Variants in MINDY4 observed in about 807,000 individuals in gnomAD.
MINDY4 encodes MINDY lysine 48 deubiquitinase 4.
MINDY4 carries 68 observed loss-of-function variants against 87.0 expected under a neutral mutation model. The ratio of observed to expected loss-of-function variants is 0.78; its 90% CI spans 0.64 to 0.96. The LOEUF (loss-of-function observed/expected upper bound fraction) is 0.96, where lower values mean the gene tolerates loss of function less well. Among genes scored for constraint, MINDY4 ranks in the 40% least tolerant of loss-of-function variants. The pLI is 0.00. For missense variants in MINDY4, 919 were observed against 928.2 expected, an observed-to-expected ratio of 0.99 and a Z score of 0.13; for synonymous variants, 379 against 363.2, an observed-to-expected ratio of 1.04 and a Z score of -0.50.
At chr7:30,854,921 T>C (rs1789526840) in intron 12 of MINDY4, among the ~76,000 whole-genome samples, 1 of 152,198 alleles carries the variant, frequency 6.6e-6, no homozygotes, top group Non-Finnish European at 1.5e-5. Context: ...CCCAAAAGCA[T>C]GGATTAGGAT....
intron 5 of MINDY4, among the ~76,000 whole-genome samples, chr7:30,801,634 G>C (rs1338985783): frequency 6.6e-6 from 1 of 152,086 alleles, no homozygotes; most frequent in Non-Finnish European, 1.5e-5. Flanking sequence ...TTAAACATGA[G>C]AAACAGCTCC....
chr7:30,778,336 A>T, intron 1 of MINDY4, 96 bp from the exon 2 acceptor site: 1 of 1,490,894 alleles, frequency 6.7e-7, no homozygotes, highest in Non-Finnish European at 9.3e-7. Context: ...TATGAGAATT[A>T]TCTTGGTGAA....
intron 5 of MINDY4, among the ~76,000 whole-genome samples, chr7:30,805,845 C>T (rs937694767): frequency 1.3e-5 from 2 of 152,048 alleles, no homozygotes; most frequent in African/African-American, 4.8e-5. Flanking sequence ...GGAATAGGGC[C>T]GTTTATTCAG....
chr7:30,804,846 C>T (rs1787759476), intron 5 of MINDY4, among the ~76,000 whole-genome samples: 2 of 152,060 alleles, frequency 1.3e-5, no homozygotes, highest in South Asian at 4.1e-4. Flanking sequence ...TGAGAGCTGG[C>T]ATTAGCAAGG....
At chr7:30,874,424 G>A (rs1584345852) in intron 14 of MINDY4, among the ~76,000 whole-genome samples, 1 of 152,226 alleles carries the variant, frequency 6.6e-6, no homozygotes, top group East Asian at 1.9e-4. Flanking sequence ...CCACCTGTGA[G>A]CCCCAGTTTC....
rs142944441 is a variant in MINDY4, at chr7:30,884,325, C to T, written c.2225+1332C>T. Among the ~76,000 whole-genome samples the T allele has an allele frequency of 1.9e-3, 288 of 152,322 alleles. 4 individuals carry two copies. Among genetic ancestry groups the T allele is most frequent in the Admixed American group, 0.016 (243 of 15,304 alleles). On this transcript the variant is annotated intron_variant, in intron 17 of 17. Coordinates refer to ENST00000265299, the MANE Select transcript of MINDY4 (RefSeq NM_032222.3). Reference sequence around the variant, plus strand: ...CCATCCGTTCGTCCATCCACCTGCCCGCCCCCTGAGCCAGGGATGAAGCAT... The same window carrying T: ...CCATCCGTTCGTCCATCCACCTGCCTGCCCCCTGAGCCAGGGATGAAGCAT...
chr7:30,878,167 C>A (rs146419246), intron 15 of MINDY4, among the ~76,000 whole-genome samples: 15 of 152,204 alleles, frequency 9.9e-5, no homozygotes, highest in African/African-American at 2.9e-4. Flanking sequence ...ACAGACACAG[C>A]CGTGGGAAGA....
chr7:30,801,521 T>C (rs1006875481), intron 5 of MINDY4, among the ~76,000 whole-genome samples: 4 of 152,120 alleles, frequency 2.6e-5, no homozygotes, highest in Admixed American at 6.5e-5. Context: ...TCCCCACTTC[T>C]CAGCCTGTTG....
chr7:30,785,281 C>T (rs1787127050), intron 3 of MINDY4, among the ~76,000 whole-genome samples: 1 of 151,286 alleles, frequency 6.6e-6, no homozygotes, highest in Admixed American at 6.6e-5. Context: ...CACACACACA[C>T]ACACACACAC....
At chr7:30,875,436 C>T in intron 14 of MINDY4, 59 bp from the exon 15 acceptor site, 1 of 1,585,066 alleles carries the variant, frequency 6.3e-7, no homozygotes, top group East Asian at 2.2e-5. Flanking sequence ...AGTCTCCTCT[C>T]CACTCTTTCA....
chr7:30,790,735 A>G (rs1306436445), intron 4 of MINDY4, among the ~76,000 whole-genome samples: 3 of 152,162 alleles, frequency 2.0e-5, no homozygotes, highest in Non-Finnish European at 2.9e-5. Flanking sequence ...ATGAGCCACC[A>G]TGCCCAGCCT....
chr7:30,832,875 A>G (rs1162019292), intron 6 of MINDY4, among the ~76,000 whole-genome samples: 1 of 151,558 alleles, frequency 6.6e-6, no homozygotes, highest in Non-Finnish European at 1.5e-5. Context: ...TTCCTTATTT[A>G]TCTTTAGCCC....
At chr7:30,884,279 A>G (rs1790565109) in intron 17 of MINDY4, among the ~76,000 whole-genome samples, 1 of 152,138 alleles carries the variant, frequency 6.6e-6, no homozygotes, top group East Asian at 1.9e-4. Flanking sequence ...CATCCTCGAC[A>G]TGCTTTGTCC....
In MINDY4 at chr7:30,778,484, T is replaced by A. The variant is rs779502461; in HGVS notation, c.116T>A (p.Leu39His). 1 of 1,614,210 alleles carries A rather than the reference T, an allele frequency of 6.2e-7. No homozygotes were observed. Among genetic ancestry groups the A allele is most frequent in the East Asian group, 2.2e-5 (1 of 44,888 alleles). ...GACCAGGAACGCCCACGCTCTGACC[T>A]CAGCATAAACAACAGAAATGATCTT... is the stretch of plus-strand genomic sequence containing the variant. ...TMDQERPRSD[L>H]SINNRNDLRK... The change falls in exon 2 of 18, where the codon CTC (leucine) becomes CAC (histidine). Residue 39 changes from leucine (L) to histidine (H), a missense_variant. Leu to His is a moderately conservative substitution (Grantham distance 99). Coordinates refer to ENST00000265299, the MANE Select transcript of MINDY4 (RefSeq NM_032222.3).
chr7:30,861,595 A>C (rs756297094), intron 13 of MINDY4, among the ~76,000 whole-genome samples: 1 of 152,108 alleles, frequency 6.6e-6, no homozygotes, highest in Non-Finnish European at 1.5e-5. Context: ...CTGACTCTCT[A>C]CTCCTCTGAA....
chr7:30,801,551 A>G (rs754451744), intron 5 of MINDY4, among the ~76,000 whole-genome samples: 1 of 151,810 alleles, frequency 6.6e-6, no homozygotes, highest in Non-Finnish European at 1.5e-5. Context: ...TACCCTATAC[A>G]TGTGCCCCCA....
chr7:30,846,526 C>G (rs1249280322), intron 9 of MINDY4, among the ~76,000 whole-genome samples: 2 of 152,178 alleles, frequency 1.3e-5, no homozygotes, highest in Non-Finnish European at 2.9e-5. Context: ...TCTGACTGAT[C>G]AGGAAATGCA....
intron 1 of MINDY4, among the ~76,000 whole-genome samples, chr7:30,772,841 A>G (rs1270364007): frequency 6.6e-6 from 1 of 152,158 alleles, no homozygotes; most frequent in Non-Finnish European, 1.5e-5. Context: ...GGTCACTGAA[A>G]AAAACTCTTA....
At chr7:30,844,852 A>T (rs561418799) in intron 9 of MINDY4, among the ~76,000 whole-genome samples, 109 of 152,348 alleles carry the variant, frequency 7.2e-4, no homozygotes, top group Middle Eastern at 3.4e-3. Flanking sequence ...GTGAACTAGG[A>T]ATAGTCATCT....
Sources: gnomAD v4.1 joint callset for allele counts (sites outside exome capture counted in the v4.1 genomes callset) on GRCh38, gnomAD v4.1.1 for gene constraint, MANE v1.5 for transcripts, NCBI Gene and HGNC (gene_info 2026-07-23, HGNC 2026-07-21) for gene names.